Variants in ZCCHC14 observed in about 807,000 individuals in gnomAD.
The protein encoded by ZCCHC14 is zinc finger CCHC domain-containing protein 14.
ZCCHC14 carries 16 observed loss-of-function variants against 85.0 expected under a neutral mutation model. That is an observed-to-expected ratio of 0.19 (90% CI 0.13 to 0.29). The LOEUF is 0.29. ZCCHC14 is among the 10% of genes least tolerant of loss of function. The pLI is 1.00. For missense variants in ZCCHC14, 1,303 were observed against 1,443.5 expected, an observed-to-expected ratio of 0.90 and a Z score of 1.58; for synonymous variants, 775 against 630.7, an observed-to-expected ratio of 1.23 and a Z score of -3.43.
chr16:87,411,334 G>A, intron 12 of ZCCHC14, 182 bp downstream of exon 12: 1 of 1,485,242 alleles, frequency 6.7e-7, no homozygotes, highest in Non-Finnish European at 8.9e-7. Flanking sequence ...GGCCGTTTTA[G>A]ACCCAACAGC....
At chr16:87,448,998 C>T (rs79226035) in intron 2 of ZCCHC14, among the ~76,000 whole-genome samples, 2,475 of 152,316 alleles carry the variant, frequency 0.016, 26 homozygotes, top group Middle Eastern at 0.044. Flanking sequence ...CTCGGCCTTA[C>T]GAATCCTCAT....
At chr16:87,417,406 G>C in intron 8 of ZCCHC14, 54 bp downstream of exon 8, 1 of 1,587,580 alleles carries the variant, frequency 6.3e-7, no homozygotes, top group African/African-American at 1.3e-5. Flanking sequence ...CCCCAGGGAG[G>C]TCTTGAGTAA....
chr16:87,477,595 A>G (rs1597451565), intron 1 of ZCCHC14, among the ~76,000 whole-genome samples: 1 of 152,334 alleles, frequency 6.6e-6, no homozygotes, highest in East Asian at 1.9e-4. Flanking sequence ...CCACTCACTA[A>G]TGTCGTCTTT....
intron 1 of ZCCHC14, among the ~76,000 whole-genome samples, chr16:87,469,682 C>T (rs1911692102): frequency 6.6e-6 from 1 of 152,164 alleles, no homozygotes; most frequent in South Asian, 2.1e-4. Context: ...GGCTGGAGGA[C>T]AATTAAATTG....
intron 1 of ZCCHC14, among the ~76,000 whole-genome samples, chr16:87,462,662 C>A (rs1911322210): frequency 6.6e-6 from 1 of 151,844 alleles, no homozygotes; most frequent in Admixed American, 6.6e-5. Context: ...ATGGTGTGAA[C>A]CCGGAAGGTG....
intron 3 of ZCCHC14, 122 bp downstream of exon 3, chr16:87,433,006 T>C (rs1385618704): frequency 3.5e-6 from 3 of 858,726 alleles, no homozygotes; most frequent in South Asian, 1.6e-5. Flanking sequence ...CAGCTTCCTA[T>C]ACAGCACTGG....
chr16:87,484,737 G>A (rs1301544269), intron 1 of ZCCHC14, among the ~76,000 whole-genome samples: 2 of 152,154 alleles, frequency 1.3e-5, no homozygotes, highest in Non-Finnish European at 2.9e-5. Context: ...AGAGACGAGC[G>A]GTGTTAAAGC....
chr16:87,432,429 C>T (rs1054883560), intron 3 of ZCCHC14, among the ~76,000 whole-genome samples: 1 of 152,224 alleles, frequency 6.6e-6, no homozygotes, highest in African/African-American at 2.4e-5. Context: ...CTTCCTCCTG[C>T]TGCCCAGGAT....
intron 3 of ZCCHC14, among the ~76,000 whole-genome samples, chr16:87,431,473 A>G (rs1424362162): frequency 5.5e-5 from 6 of 108,866 alleles, no homozygotes; most frequent in East Asian, 4.4e-4. Context: ...GCTCTGTCTG[A>G]AAAAAAAAAA....
intron 1 of ZCCHC14, among the ~76,000 whole-genome samples, chr16:87,482,592 A>T (rs1042833905): frequency 6.6e-6 from 1 of 152,212 alleles, no homozygotes; most frequent in Non-Finnish European, 1.5e-5. Flanking sequence ...ACGAGAGGTA[A>T]GAAACAAAAC....
intron 3 of ZCCHC14, among the ~76,000 whole-genome samples, chr16:87,427,606 T>C (rs572141638): frequency 2.0e-5 from 3 of 152,240 alleles, no homozygotes; most frequent in Admixed American, 1.3e-4. Context: ...TAAAGGATGG[T>C]TTAATAAGAG....
rs1830486398 is a variant in ZCCHC14, at chr16:87,420,776, C to G, written c.841-60G>C. The G allele has an allele frequency of 2.1e-6, 3 of 1,437,030 alleles. No individual in the cohort carries two copies. Among genetic ancestry groups the G allele is most frequent in the Non-Finnish European group, 1.9e-6 (2 of 1,055,286 alleles). 89.0% of individuals were successfully genotyped at this position (1,437,030 alleles called of 1,614,324 possible). A position where few individuals can be genotyped will look rare whatever the true frequency, so the allele number is the denominator to read the frequency against. ...AGACCCATCCAACACCAGCAGAATTCTGCTACTGCAGGAAAACCTGGGGCA... is the reference window on the plus strand; with the variant it reads ...AGACCCATCCAACACCAGCAGAATTGTGCTACTGCAGGAAAACCTGGGGCA... On this transcript the variant is annotated intron_variant, in intron 4 of 12. Coordinates refer to ENST00000671377, the MANE Select transcript of ZCCHC14 (RefSeq NM_015144.3). This position sits in a 1 kb window ranked among gnomAD's most constrained non-coding sequence, Gnocchi z 5.0.
At chr16:87,411,337 C>A (rs1469650433) in intron 12 of ZCCHC14, 179 bp downstream of exon 12, 2 of 1,491,918 alleles carry the variant, frequency 1.3e-6, no homozygotes, top group Non-Finnish European at 1.8e-6. Context: ...CGTTTTAGAC[C>A]CAACAGCAGT....
At chr16:87,422,334 G>A (rs1909142195) in intron 4 of ZCCHC14, among the ~76,000 whole-genome samples, 1 of 152,150 alleles carries the variant, frequency 6.6e-6, no homozygotes, top group African/African-American at 2.4e-5. Context: ...GAGAGCCGTG[G>A]GGCGGCAGCA....
intron 2 of ZCCHC14, among the ~76,000 whole-genome samples, chr16:87,444,732 G>A (rs143396222): frequency 1.5e-3 from 233 of 152,244 alleles, no homozygotes; most frequent in African/African-American, 5.3e-3. Context: ...TAAAGTATCC[G>A]GGTCATGAAA....
intron 1 of ZCCHC14, among the ~76,000 whole-genome samples, chr16:87,481,503 GGC>G (rs1205857668): frequency 5.1e-5 from 7 of 136,634 alleles, no homozygotes; most frequent in Non-Finnish European, 1.1e-4. Flanking sequence ...TGAGCACCAT[GGC>G]AAGTGTGGCA....
chr16:87,462,015 C>A (rs971599270), intron 1 of ZCCHC14, among the ~76,000 whole-genome samples: 1 of 152,054 alleles, frequency 6.6e-6, no homozygotes, highest in East Asian at 1.9e-4. Context: ...TGGCTATAAT[C>A]CCAGCACTTT....
Position 87,409,402 on chromosome 16 carries a change from C to G in ZCCHC14, c.*878G>C, listed in dbSNP as rs1191763334. The G allele has an allele frequency of 6.6e-6, 1 of 152,194 alleles. No homozygotes were observed. The highest frequency in any genetic ancestry group is 2.4e-5 in the African/African-American group (1 of 41,438). 9.4% of individuals were successfully genotyped at this position (152,194 alleles called of 1,614,324 possible). A position where few individuals can be genotyped will look rare whatever the true frequency, so the allele number is the denominator to read the frequency against. On this transcript the variant is annotated 3_prime_UTR_variant, in exon 13 of 13. Coordinates refer to ENST00000671377, the MANE Select transcript of ZCCHC14 (RefSeq NM_015144.3). ...ACTCACAGAGCCGCGCTGTCGCCGT[C>G]CCCCCTCGAGAGGTCATTTGTAGTG...
intron 2 of ZCCHC14, among the ~76,000 whole-genome samples, chr16:87,450,053 CAAAG>C (rs1827811719): frequency 6.6e-6 from 1 of 152,120 alleles, no homozygotes; most frequent in African/African-American, 2.4e-5. Context: ...TCTCAAAAAA[CAAAG>C]AGAAAAAGAA....
Sources: gnomAD v4.1 joint callset for allele counts (sites outside exome capture counted in the v4.1 genomes callset) on GRCh38, gnomAD v4.1.1 for gene constraint, Gnocchi (gnomAD v3.1) non-coding constraint, MANE v1.5 for transcripts, NCBI Gene and HGNC (gene_info 2026-07-23, HGNC 2026-07-21) for gene names.